HERPUD2: variants seen among roughly 807,000 people sequenced by gnomAD.
HERPUD2 encodes the protein HERPUD family member 2.
In HERPUD2, 13 loss-of-function variants were observed where a neutral mutation model predicts 49.9. The ratio of observed to expected loss-of-function variants is 0.26; its 90% confidence interval spans 0.17 to 0.41. The LOEUF (loss-of-function observed/expected upper bound fraction) is 0.41. HERPUD2 is among the 10% of genes least tolerant of loss of function. HERPUD2 has a pLI of 1.00. For missense variants in HERPUD2, 449 were observed against 492.2 expected (o/e 0.91, Z 0.83); for synonymous variants, 172 against 171.4 (o/e 1.00, Z -0.03).
chr7:35,655,421 T>C (rs186050274), intron 5 of HERPUD2, among the ~76,000 whole-genome samples: 1 of 152,068 alleles, frequency 6.6e-6, no homozygotes, highest in African/African-American at 2.4e-5. Flanking sequence ...ATTCAATAGA[T>C]GCAAATCAAT....
chr7:35,670,575 G>T (rs939176806), intron 3 of HERPUD2, among the ~76,000 whole-genome samples: 1 of 151,900 alleles, frequency 6.6e-6, no homozygotes, highest in African/African-American at 2.4e-5. Context: ...AAATTATTTT[G>T]CATACGAAGC....
chr7:35,674,400 TATATAGAGAGAGAGAGAGAG>T (rs1218445468), intron 2 of HERPUD2, among the ~76,000 whole-genome samples: 48 of 60,178 alleles, frequency 8.0e-4, no homozygotes, highest in East Asian at 4.4e-3. Flanking sequence ...TATATATATA[TATATAGAGAGAGAGAGAGAG>T]AGAGAGAGAG....
chr7:35,687,047 G>A (rs1175467202), intron 2 of HERPUD2, among the ~76,000 whole-genome samples: 3 of 151,976 alleles, frequency 2.0e-5, no homozygotes, highest in African/African-American at 7.3e-5. Flanking sequence ...ACGACAGTGC[G>A]AGACTCTGTC....
intron 2 of HERPUD2, among the ~76,000 whole-genome samples, chr7:35,692,067 A>C (rs1460799273): frequency 6.6e-6 from 1 of 152,270 alleles, no homozygotes; most frequent in Non-Finnish European, 1.5e-5. Context: ...TTGCCATGTT[A>C]ATCATTAATA....
chr7:35,692,714 T>C lies in HERPUD2; in HGVS notation c.147+1470A>G, dbSNP rs1296745235. On this transcript the variant is annotated intron_variant, in intron 2 of 8. Coordinates refer to ENST00000311350, the MANE Select transcript of HERPUD2 (RefSeq NM_022373.5). ...AAACACAGCTAATGCCGATTAAGAG[T>C]TGTTTTTCTAAACCTCCTGTTTTTG... Among the ~76,000 whole-genome samples, 3 of 152,204 alleles carry C rather than the reference T, an allele frequency of 2.0e-5. No individual in the cohort carries two copies. The East Asian group carries it at 5.8e-4, about 29-fold the overall frequency.
chr7:35,662,341 T>C (rs1391204000), intron 5 of HERPUD2, among the ~76,000 whole-genome samples: 2 of 152,224 alleles, frequency 1.3e-5, no homozygotes, highest in African/African-American at 4.8e-5. Context: ...TTCTCTTTTT[T>C]TGTTGTGTCT....
At chr7:35,658,994 AC>A (rs1002940091) in intron 5 of HERPUD2, among the ~76,000 whole-genome samples, 3 of 152,198 alleles carry the variant, frequency 2.0e-5, no homozygotes, top group Non-Finnish European at 4.4e-5. Flanking sequence ...GGGAGTAGGG[AC>A]CAGAAATGAG....
rs188942232 is a variant in HERPUD2 at position 35,650,370 on chromosome 7, A to G, written c.495-11898T>C. ...TACATTCCCACTGCAGACTCCTGTA[A>G]TCCTAGCCACAAGAGAGACCCTTAA... On this transcript the variant is annotated intron_variant, in intron 5 of 8. Transcript: ENST00000311350. Among the ~76,000 whole-genome samples the G allele has an allele frequency of 8.0e-4, 122 of 152,200 alleles. 1 individual carries two copies. Among genetic ancestry groups the G allele is most frequent in the African/African-American group, 2.1e-3 (88 of 41,516 alleles).
intron 2 of HERPUD2, among the ~76,000 whole-genome samples, chr7:35,686,731 AAAAAAAAAAAAAAAC>A (rs1786058733): frequency 9.5e-6 from 1 of 105,328 alleles, no homozygotes; most frequent in Non-Finnish European, 1.8e-5. Flanking sequence ...AAAAAAAAAA[AAAAAAAAAAAAAAAC>A]CAAACCCATT....
At chr7:35,670,631 A>G (rs898136397) in intron 3 of HERPUD2, among the ~76,000 whole-genome samples, 3 of 152,134 alleles carry the variant, frequency 2.0e-5, no homozygotes, top group African/African-American at 7.2e-5. Flanking sequence ...AGCACAATCT[A>G]TAATTTCAGC....
chr7:35,667,013 A>G (rs922183928), intron 5 of HERPUD2, among the ~76,000 whole-genome samples: 5 of 152,188 alleles, frequency 3.3e-5, no homozygotes, highest in African/African-American at 1.2e-4. Flanking sequence ...CATTCCCCTA[A>G]ACACTAAATT....
chr7:35,694,111 G>T, intron 2 of HERPUD2, 73 bp downstream of exon 2: 1 of 1,510,500 alleles, frequency 6.6e-7, no homozygotes, highest in Non-Finnish European at 9.2e-7. Flanking sequence ...GAGGGGAGAA[G>T]CAGGAAAAAG....
At chr7:35,671,018 A>G (rs1248414143) in intron 3 of HERPUD2, among the ~76,000 whole-genome samples, 2 of 152,072 alleles carry the variant, frequency 1.3e-5, no homozygotes, top group African/African-American at 4.8e-5. Flanking sequence ...GAAGGAATAA[A>G]GGAGGACAGA....
chr7:35,663,290 C>CT (rs762583774), intron 5 of HERPUD2, among the ~76,000 whole-genome samples: 3 of 152,040 alleles, frequency 2.0e-5, no homozygotes, highest in Non-Finnish European at 1.5e-5. Flanking sequence ...ATTTACTGTT[C>CT]TTTTATTTGC....
chr7:35,667,671 C>A, intron 4 of HERPUD2, 83 bp from the exon 5 acceptor site: 1 of 1,008,482 alleles, frequency 9.9e-7, no homozygotes, highest in Non-Finnish European at 1.5e-6. Flanking sequence ...AAAACGTATT[C>A]ATGAAATCCC....
chr7:35,657,140 G>T (rs908712299), intron 5 of HERPUD2, among the ~76,000 whole-genome samples: 2 of 151,972 alleles, frequency 1.3e-5, no homozygotes, highest in African/African-American at 4.8e-5. Flanking sequence ...AATATACAAA[G>T]AACTCATATA....
chr7:35,662,177 T>C (rs1352383826), intron 5 of HERPUD2, among the ~76,000 whole-genome samples: 2 of 152,232 alleles, frequency 1.3e-5, no homozygotes, highest in African/African-American at 2.4e-5. Context: ...GGATTATGTT[T>C]ATGGATTTGC....
chr7:35,648,480 T>C (rs550167047), intron 5 of HERPUD2, among the ~76,000 whole-genome samples: 2 of 152,246 alleles, frequency 1.3e-5, no homozygotes, highest in East Asian at 3.9e-4. Context: ...GCTACAAATC[T>C]AGGGCTTTAT....
chr7:35,686,794 G>C (rs1428089154), intron 2 of HERPUD2, among the ~76,000 whole-genome samples: 7 of 90,946 alleles, frequency 7.7e-5, no homozygotes, highest in African/African-American at 3.3e-4. Flanking sequence ...TGTAATTCCA[G>C]CACTTTGGGA....
Sources: gnomAD v4.1 joint callset for allele counts (sites outside exome capture counted in the v4.1 genomes callset) on GRCh38, gnomAD v4.1.1 for gene constraint, MANE v1.5 for transcripts, NCBI Gene and HGNC (gene_info 2026-07-23, HGNC 2026-07-21) for gene names.